The following ADRA1A variants were observed in gnomAD, a reference collection of about 807,000 sequenced individuals.
ADRA1A encodes adrenoceptor alpha 1A.
A neutral mutation model predicts 29.6 loss-of-function variants in ADRA1A; 31 were observed. The observed-to-expected ratio is 1.05, with a 90% CI of 0.79 to 1.41. The LOEUF (loss-of-function observed/expected upper bound fraction) is 1.41, where lower values mean the gene tolerates loss of function less well. Ranked by LOEUF, ADRA1A falls within the 40% of genes most tolerant of loss-of-function variation. The pLI is 0.00. For missense variants in ADRA1A, 619 were observed against 601.1 expected, an observed-to-expected ratio of 1.03 and a Z score of -0.31; for synonymous variants, 311 against 254.3, an observed-to-expected ratio of 1.22 and a Z score of -2.12.
downstream of ADRA1A, among the ~76,000 whole-genome samples, chr8:26,754,192 T>C (rs1585620655): frequency 6.6e-6 from 1 of 152,306 alleles, no homozygotes; most frequent in East Asian, 1.9e-4. Flanking sequence ...ATTAAACTCT[T>C]TGAAGCCATT....
At chr8:26,766,237 C>T (rs1805777273), downstream of ADRA1A, 3 of 940,442 alleles carry the variant, frequency 3.2e-6, no homozygotes, top group African/African-American at 1.6e-5. Context: ...AAGGGATGTA[C>T]TTCCCAAAAG....
At chr8:26,780,547 G>A (rs1262933769) in intron 2 of ADRA1A, among the ~76,000 whole-genome samples, 1 of 152,030 alleles carries the variant, frequency 6.6e-6, no homozygotes, top group African/African-American at 2.4e-5. Flanking sequence ...ACTCATCCAC[G>A]AGCCCTTCTT....
intron 2 of ADRA1A, among the ~76,000 whole-genome samples, chr8:26,844,778 T>C (rs1812078081): frequency 6.6e-6 from 1 of 152,170 alleles, no homozygotes; most frequent in Non-Finnish European, 1.5e-5. Context: ...TAGGAGAAAC[T>C]ATAACTCTTA....
At chr8:26,838,071 A>C (rs1811518846) in intron 2 of ADRA1A, among the ~76,000 whole-genome samples, 1 of 152,234 alleles carries the variant, frequency 6.6e-6, no homozygotes, top group African/African-American at 2.4e-5. Flanking sequence ...AGGACTGTGC[A>C]AAGTTAAGCC....
rs898799195 is a variant in ADRA1A at position 26,823,203 on chromosome 8, T to C, written c.883+40884A>G. On this transcript the variant is annotated intron_variant, in intron 2 of 2. Transcript: ENST00000380573. The surrounding 1 kb of genome is among the most constrained non-coding windows in gnomAD (Gnocchi z 4.2). ...GGGCAGTGTCATGAAGCAAAATATGTGGCTAGCCTTTCTGCAAAGTGTGCT... is the reference window on the plus strand; with the variant it reads ...GGGCAGTGTCATGAAGCAAAATATGCGGCTAGCCTTTCTGCAAAGTGTGCT... 7.2e-5 allele frequency among the ~76,000 whole-genome samples: 11 copies of C among 152,304 alleles called. No homozygotes were observed. The highest frequency in any genetic ancestry group is 2.6e-4 in the African/African-American group (11 of 41,566).
chr8:26,843,159 T>A (rs1480769124), intron 2 of ADRA1A, among the ~76,000 whole-genome samples: 1 of 152,140 alleles, frequency 6.6e-6, no homozygotes. Flanking sequence ...GCTATCCTTT[T>A]CCCCAGATTA....
At position 26,770,209 on chromosome 8, in the gene ADRA1A, A is replaced by G; in HGVS notation, c.1341T>C (p.His447=). The change falls in exon 3 of 3, where the codon CAT becomes CAC. Residue 447 remains histidine, a synonymous_variant. Coordinates refer to ENST00000380573, the MANE Select transcript of ADRA1A (RefSeq NM_000680.4). ...GPSTPSLDKN[H]QVPTIKVHTI... is the part of the protein sequence containing the mutation. Reference sequence around the variant, plus strand: ...TGTGGACCTTAATGGTTGGAACTTGATGGTTCTTGTCAAGGCTGGGGGTTG... The same window carrying G: ...TGTGGACCTTAATGGTTGGAACTTGGTGGTTCTTGTCAAGGCTGGGGGTTG... The G allele has an allele frequency of 6.2e-7, 1 of 1,602,028 alleles. No individual in the cohort carries two copies. The highest frequency in any genetic ancestry group is 8.5e-7 in the Non-Finnish European group (1 of 1,173,444).
At chr8:26,826,930 C>T (rs561837047) in intron 2 of ADRA1A, among the ~76,000 whole-genome samples, 19 of 152,302 alleles carry the variant, frequency 1.2e-4, no homozygotes, top group African/African-American at 4.6e-4. Flanking sequence ...ATTTCACTAT[C>T]TTAGGAAAAA....
intron 2 of ADRA1A, among the ~76,000 whole-genome samples, chr8:26,852,147 T>G (rs112118076): frequency 0.035 from 5,395 of 152,206 alleles, 146 homozygotes; most frequent in African/African-American, 0.076. Context: ...CAATGAATCC[T>G]TTCCTGTCTA....
At chr8:26,827,137 C>T (rs1810634636) in intron 2 of ADRA1A, among the ~76,000 whole-genome samples, 1 of 152,158 alleles carries the variant, frequency 6.6e-6, no homozygotes, top group Non-Finnish European at 1.5e-5. Flanking sequence ...ATGTTGTAAG[C>T]ACTAAATAAA....
rs189374831 is a variant in ADRA1A, at chr8:26,804,622, T to C, written c.884-33956A>G. On this transcript the variant is annotated intron_variant, in intron 2 of 2. Transcript: ENST00000380573. ...TCCATGGATTCCATGGGTGTCAGAG[T>C]TGTGCTCTGACTTATCTGACATATA... is the stretch of plus-strand genomic sequence containing the variant. Among the ~76,000 whole-genome samples, 6 of 152,132 alleles carry C rather than the reference T, an allele frequency of 3.9e-5. No homozygotes were observed. In the East Asian group the frequency reaches 1.2e-3, roughly 29 times the overall value.
At chr8:26,794,841 A>G (rs1219757221) in intron 2 of ADRA1A, among the ~76,000 whole-genome samples, 4 of 152,048 alleles carry the variant, frequency 2.6e-5, no homozygotes, top group African/African-American at 4.8e-5. Flanking sequence ...CAAGAAAGAG[A>G]TGTCTAAAAT....
In ADRA1A at chr8:26,864,828, T is replaced by C. The variant is rs186663065; in HGVS notation, c.142A>G (p.Ile48Val). The change falls in exon 2 of 3, where the codon ATC (isoleucine) becomes GTC (valine). Residue 48 changes from isoleucine (I) to valine (V), a missense_variant. Ile to Val is a conservative substitution (Grantham distance 29). Transcript: ENST00000380573. The surrounding 1 kb of genome is among the most constrained non-coding windows in gnomAD (Gnocchi z 8.1). ...TGTCGGTGACAGGCTACGGAGAGGA[T>C]CACTAGGATGTTACCCAGCACCCCG... is the stretch of plus-strand genomic sequence containing the variant. ...LFGVLGNILV[I>V]LSVACHRHLH... 5.1e-5 allele frequency: 83 copies of C among 1,613,522 alleles called. No homozygotes were observed. Among genetic ancestry groups the C allele is most frequent in the Non-Finnish European group, 6.6e-5 (78 of 1,179,890 alleles).
rs560909677 is a variant in ADRA1A at position 26,787,258 on chromosome 8, G to A, written c.884-16592C>T. On this transcript the variant is annotated intron_variant, in intron 2 of 2. Coordinates refer to ENST00000380573, the MANE Select transcript of ADRA1A (RefSeq NM_000680.4). This position sits in a 1 kb window ranked among gnomAD's most constrained non-coding sequence, Gnocchi z 4.2. ...CAAAACAAAGACAATCATCAGAATAGCCAAGAAAATTAATCACACATTCCA... is the reference window on the plus strand; with the variant it reads ...CAAAACAAAGACAATCATCAGAATAACCAAGAAAATTAATCACACATTCCA... 6.6e-6 allele frequency among the ~76,000 whole-genome samples: 1 copy of A among 152,260 alleles called. No homozygotes were observed. The highest frequency in any genetic ancestry group is 2.4e-5 in the African/African-American group (1 of 41,572).
chr8:26,861,269 T>C (rs1198771689), intron 2 of ADRA1A, among the ~76,000 whole-genome samples: 3 of 150,546 alleles, frequency 2.0e-5, no homozygotes, highest in Non-Finnish European at 4.4e-5. Context: ...TGGCTGTTTC[T>C]CCTGTTTTTC....
chr8:26,793,448 A>G (rs188732693), intron 2 of ADRA1A, among the ~76,000 whole-genome samples: 4 of 152,108 alleles, frequency 2.6e-5, no homozygotes, highest in Admixed American at 2.6e-4. Flanking sequence ...ATTAGAGTAA[A>G]TAAGTTGGAA....
chr8:26,802,773 C>T (rs1391516043), intron 2 of ADRA1A, among the ~76,000 whole-genome samples: 1 of 152,162 alleles, frequency 6.6e-6, no homozygotes, highest in South Asian at 2.1e-4. Context: ...ATCTGCATTC[C>T]CATGTTTTTG....
chr8:26,838,828 G>T (rs568465818), intron 2 of ADRA1A, among the ~76,000 whole-genome samples: 8 of 152,318 alleles, frequency 5.3e-5, no homozygotes, highest in South Asian at 2.1e-4. Flanking sequence ...ACAGAGGAAA[G>T]GCCTCCCTCC....
downstream of ADRA1A, among the ~76,000 whole-genome samples, chr8:26,753,814 T>C (rs1019144025): frequency 1.3e-5 from 2 of 152,206 alleles, no homozygotes; most frequent in African/African-American, 2.4e-5. Context: ...TAGGGTGTTA[T>C]GTGTTTAAAG....
Sources: allele counts gnomAD v4.1 joint callset (sites outside exome capture counted in the v4.1 genomes callset), GRCh38; gene constraint gnomAD v4.1.1; non-coding constraint Gnocchi (gnomAD v3.1); transcripts MANE v1.5; gene names NCBI Gene and HGNC (gene_info 2026-07-23, HGNC 2026-07-21).